DAZAP1: variants seen among roughly 807,000 people sequenced by gnomAD.
DAZAP1 encodes DAZ associated protein 1.
A neutral mutation model predicts 60.1 loss-of-function variants in DAZAP1; 6 were observed. The ratio of observed to expected loss-of-function variants is 0.10; its 90% CI spans 0.05 to 0.20. DAZAP1 has a LOEUF of 0.20. Ranked by LOEUF, DAZAP1 falls within the 10% of genes least tolerant of loss-of-function variation. The probability of loss-of-function intolerance (pLI) is 1.00; values close to 1 mark genes in which losing one functional copy is unlikely to be tolerated. For missense variants in DAZAP1, 366 were observed against 560.4 expected (o/e 0.65, Z 3.50); for synonymous variants, 235 against 215.9 (o/e 1.09, Z -0.78).
intron 1 of DAZAP1, 136 bp downstream of exon 1, chr19:1,407,938 C>A: frequency 1.2e-6 from 1 of 801,004 alleles, no homozygotes; most frequent in Non-Finnish European, 1.5e-6. Flanking sequence ...GGGACCCGGA[C>A]TCGCCGCGGC....
chr19:1,435,130 T>C lies in DAZAP1; in HGVS notation c.*218T>C. ...CAGCACAATAAAAAAAAGTCACTGG[T>C]TCAACAACAGGGTTTAAAAAAAATG... is the stretch of plus-strand genomic sequence containing the variant. On this transcript the variant is annotated 3_prime_UTR_variant, in exon 12 of 12. Coordinates refer to ENST00000233078, the MANE Select transcript of DAZAP1 (RefSeq NM_018959.4). 1 of 332,510 alleles carries C rather than the reference T, an allele frequency of 3.0e-6. No homozygotes were observed. Among genetic ancestry groups the C allele is most frequent in the Admixed American group, 4.8e-5 (1 of 20,966 alleles). 20.6% of individuals were successfully genotyped at this position (332,510 alleles called of 1,614,324 possible).
In DAZAP1 at chr19:1,433,739, GC is replaced by G; in HGVS notation, c.1049-996del. On this transcript the variant is annotated intron_variant, in intron 11 of 11. Coordinates refer to ENST00000233078, the MANE Select transcript of DAZAP1 (RefSeq NM_018959.4). This position sits in a 1 kb window ranked among gnomAD's most constrained non-coding sequence, Gnocchi z 6.1. ...TCACCCTGGTCTCGTCTCTTGCCAG[GC>G]CTGGGTTCCTATTCTCCAGCCCCGC... 1 of 1,613,504 alleles carries G rather than the reference GC, an allele frequency of 6.2e-7. No individual in the cohort carries two copies. The highest frequency in any genetic ancestry group is 2.2e-5 in the East Asian group (1 of 44,880).
rs565836656 is a variant in DAZAP1 at position 1,422,021 on chromosome 19, C to T, written c.415-327C>T. Among the ~76,000 whole-genome samples the T allele has an allele frequency of 4.6e-5, 7 of 152,340 alleles. No homozygotes were observed. The East Asian group carries it at 1.4e-3, about 29-fold the overall frequency. The stretch of plus-strand genomic sequence containing the variant: ...CTGTGGGGTCTCCTGGCTCCCACGT[C>T]CCCTGCTAGGATGCGTGGTCGGCGT... On this transcript the variant is annotated intron_variant, in intron 5 of 11. Coordinates refer to ENST00000233078, the MANE Select transcript of DAZAP1 (RefSeq NM_018959.4). The surrounding 1 kb of genome is among the most constrained non-coding windows in gnomAD (Gnocchi z 4.5).
At chr19:1,415,864 A>G (rs2082968487) in intron 1 of DAZAP1, 1 of 152,164 alleles carries the variant, frequency 6.6e-6, no homozygotes, top group Non-Finnish European at 1.5e-5. Context: ...TTCCCGCCTC[A>G]GCCCTCCCCA....
In DAZAP1 at chr19:1,430,177, T is replaced by C. The variant is rs373898457; in HGVS notation, c.731-45T>C. The C allele has an allele frequency of 5.9e-4, 930 of 1,575,926 alleles. 4 individuals are homozygous for C. The African/African-American group carries it at 0.011, about 18-fold the overall frequency. ...TGGGTCTAACTGTGGCCAGTCTGTG[T>C]TGTCCAGCGCTCTCTGTCCATCACC... is the stretch of plus-strand genomic sequence containing the variant. On this transcript the variant is annotated intron_variant, in intron 9 of 11. Coordinates refer to ENST00000233078, the MANE Select transcript of DAZAP1 (RefSeq NM_018959.4).
Position 1,423,292 on chromosome 19 carries a change from G to A in DAZAP1, c.463+896G>A, listed in dbSNP as rs1173573929. Among the ~76,000 whole-genome samples the A allele has an allele frequency of 6.6e-6, 1 of 152,224 alleles. No homozygotes were observed. The highest frequency in any genetic ancestry group is 1.5e-5 in the Non-Finnish European group (1 of 68,036). On this transcript the variant is annotated intron_variant, in intron 6 of 11. Transcript: ENST00000233078. This position sits in a 1 kb window ranked among gnomAD's most constrained non-coding sequence, Gnocchi z 6.8. ...TCGGTTACGCTGTTAAGTCTTAGTC[G>A]TAACTTAATTTAGACATACATGCTT...
Position 1,433,713 on chromosome 19 carries a change from G to A in DAZAP1, c.1048+1023G>A. 6.2e-7 allele frequency: 1 copy of A among 1,604,936 alleles called. No individual in the cohort carries two copies. The highest frequency in any genetic ancestry group is 1.1e-5 in the South Asian group (1 of 90,896). On this transcript the variant is annotated intron_variant, in intron 11 of 11. Transcript: ENST00000233078. This position sits in a 1 kb window ranked among gnomAD's most constrained non-coding sequence, Gnocchi z 6.1. ...CTCTTGGTGGCGGCTGCTTGGGTTG[G>A]TCACCCTGGTCTCGTCTCTTGCCAG...
rs770866437 is a variant in DAZAP1 at position 1,433,860 on chromosome 19, A to T, written c.1049-877A>T. ...CCGCCTCCTTCTCCAGGGTCCTCCCACCCGCCTGCACCGGGAGGTGGACGT... is the reference window on the plus strand; with the variant it reads ...CCGCCTCCTTCTCCAGGGTCCTCCCTCCCGCCTGCACCGGGAGGTGGACGT... On this transcript the variant is annotated intron_variant, in intron 11 of 11. Coordinates refer to ENST00000233078, the MANE Select transcript of DAZAP1 (RefSeq NM_018959.4). This position sits in a 1 kb window ranked among gnomAD's most constrained non-coding sequence, Gnocchi z 6.1. 6.4e-7 allele frequency: 1 copy of T among 1,559,300 alleles called. No homozygotes were observed. The highest frequency in any genetic ancestry group is 1.4e-5 in the African/African-American group (1 of 73,324).
At chr19:1,415,288 G>T (rs3786979) in intron 1 of DAZAP1, among the ~76,000 whole-genome samples, 8,722 of 151,372 alleles carry the variant, frequency 0.058, 486 homozygotes, top group East Asian at 0.24. Context: ...TTGGGTGGGT[G>T]CAGTGCTGAC....
chr19:1,409,016 C>T (rs2082748081), intron 1 of DAZAP1, among the ~76,000 whole-genome samples: 2 of 152,228 alleles, frequency 1.3e-5, no homozygotes, highest in Admixed American at 6.5e-5. Flanking sequence ...GCCTCTCGCA[C>T]CAGCTACAGG....
intron 1 of DAZAP1, among the ~76,000 whole-genome samples, chr19:1,413,082 G>A (rs1038783136): frequency 1.3e-5 from 2 of 152,152 alleles, no homozygotes; most frequent in African/African-American, 4.8e-5. Context: ...ATTGCTCACC[G>A]ACCCCTTCAT....
At chr19:1,430,441 T>G in intron 10 of DAZAP1, 79 bp downstream of exon 10, 1 of 1,336,002 alleles carries the variant, frequency 7.5e-7, no homozygotes, top group Non-Finnish European at 1.0e-6. Context: ...ATGGGGAGTC[T>G]TGTGTTACAC....
Position 1,430,270 on chromosome 19 carries a change from C to CCCCCCGA in DAZAP1, c.779_780insCCCCCGA (p.Phe262ArgfsTer167). Reference sequence around the variant, plus strand: ...GGAAGAGGAGCCCCCCCGCCACCCCCACCGTTCACCTCCTACATCGTGTCC... The same window carrying CCCCCCGA: ...GGAAGAGGAGCCCCCCCGCCACCCCCCCCCCGAACCGTTCACCTCCTACATCGTGTCC... On this transcript the variant is annotated frameshift_variant, in exon 10 of 12. Coordinates refer to ENST00000233078, the MANE Select transcript of DAZAP1 (RefSeq NM_018959.4). LOFTEE classifies it high-confidence loss of function. The CCCCCCGA allele has an allele frequency of 2.9e-6, 4 of 1,368,628 alleles. No individual in the cohort carries two copies. Among genetic ancestry groups the CCCCCCGA allele is most frequent in the Non-Finnish European group, 4.1e-6 (4 of 979,190 alleles). The allele number at this position is 1,368,628 out of a possible 1,614,324, so 84.8% of individuals were successfully genotyped here. A position where few individuals can be genotyped will look rare whatever the true frequency, so the allele number is the denominator to read the frequency against.
intron 2 of DAZAP1, 107 bp downstream of exon 2, chr19:1,417,647 C>G: frequency 9.4e-7 from 1 of 1,061,614 alleles, no homozygotes; most frequent in Non-Finnish European, 1.4e-6. Context: ...ATTTTAAAGT[C>G]CTTTTGACGT....
At position 1,425,271 on chromosome 19, in the gene DAZAP1, C is replaced by T. The variant is rs2083278560; in HGVS notation, c.464-607C>T. Among the ~76,000 whole-genome samples the T allele has an allele frequency of 6.6e-6, 1 of 152,244 alleles. No homozygotes were observed. Among genetic ancestry groups the T allele is most frequent in the African/African-American group, 2.4e-5 (1 of 41,456 alleles). ...GCACCAGCTATGATAGATACTGTAT[C>T]TGTTAACGCTTTAGAACGATATATG... On this transcript the variant is annotated intron_variant, in intron 6 of 11. Coordinates refer to ENST00000233078, the MANE Select transcript of DAZAP1 (RefSeq NM_018959.4). The surrounding 1 kb of genome is among the most constrained non-coding windows in gnomAD (Gnocchi z 5.4).
rs951130964 is a variant in DAZAP1, at chr19:1,434,676, G to A, written c.1049-61G>A. On this transcript the variant is annotated intron_variant, in intron 11 of 11. Coordinates refer to ENST00000233078, the MANE Select transcript of DAZAP1 (RefSeq NM_018959.4). This position sits in a 1 kb window ranked among gnomAD's most constrained non-coding sequence, Gnocchi z 8.0. ...GGCGGAGCTGTGTCCAGGTGGCCTC[G>A]CTCGACGGCAGTGCCAACCGCCCAG... is the stretch of plus-strand genomic sequence containing the variant. 115 of 1,584,990 alleles carry A rather than the reference G, an allele frequency of 7.3e-5. No individual in the cohort carries two copies. Among genetic ancestry groups the A allele is most frequent in the East Asian group, 1.6e-4 (7 of 43,470 alleles).
intron 5 of DAZAP1, 116 bp downstream of exon 5, chr19:1,421,374 A>T: frequency 1.2e-6 from 1 of 855,470 alleles, no homozygotes; most frequent in Non-Finnish European, 1.9e-6. Context: ...TCAGGCTGGG[A>T]GCTCGCTGTC....
intron 4 of DAZAP1, among the ~76,000 whole-genome samples, chr19:1,419,913 G>A (rs1477220319): frequency 8.6e-6 from 1 of 116,392 alleles, no homozygotes. Flanking sequence ...AAACCATCCC[G>A]ATCGTCAACG....
Position 1,428,710 on chromosome 19 carries a change from G to A in DAZAP1, c.547-132G>A. ...AAAAAATGCTACTGGCCTAAATAAG[G>A]TTTATAGTTAAGTATTTAGTCTTAA... On this transcript the variant is annotated intron_variant, in intron 7 of 11. Coordinates refer to ENST00000233078, the MANE Select transcript of DAZAP1 (RefSeq NM_018959.4). The surrounding 1 kb of genome is among the most constrained non-coding windows in gnomAD (Gnocchi z 4.0). 9.0e-7 allele frequency: 1 copy of A among 1,114,462 alleles called. No homozygotes were observed. The highest frequency in any genetic ancestry group is 1.3e-6 in the Non-Finnish European group (1 of 779,478). 69.0% of individuals were successfully genotyped at this position (1,114,462 alleles called of 1,614,324 possible). A position where few individuals can be genotyped will look rare whatever the true frequency, so the allele number is the denominator to read the frequency against.
Sources: allele counts gnomAD v4.1 joint callset (sites outside exome capture counted in the v4.1 genomes callset), GRCh38; gene constraint gnomAD v4.1.1; non-coding constraint Gnocchi (gnomAD v3.1); transcripts MANE v1.5; gene names NCBI Gene and HGNC (gene_info 2026-07-23, HGNC 2026-07-21).